EDNRB: variants seen among roughly 807,000 people sequenced by gnomAD.
The protein encoded by EDNRB is Hirschsprung disease 2.
EDNRB carries 18 observed loss-of-function variants against 46.4 expected under a neutral mutation model. The observed-to-expected ratio is 0.39, with a 90% CI of 0.27 to 0.57. The LOEUF is 0.57. Among genes scored for constraint, EDNRB ranks in the 20% least tolerant of loss-of-function variants. The probability of loss-of-function intolerance (pLI) is 0.61; values close to 1 mark genes in which losing one functional copy is unlikely to be tolerated. For missense variants in EDNRB, 434 were observed against 537.5 expected (o/e 0.81, Z 1.90); for synonymous variants, 213 against 204.9 (o/e 1.04, Z -0.34).
chr13:77,936,623 G>T (rs1171324850), intron 1 of EDNRB, among the ~76,000 whole-genome samples: 1 of 152,232 alleles, frequency 6.6e-6, no homozygotes, highest in Non-Finnish European at 1.5e-5. Flanking sequence ...GAAGGAGTCA[G>T]AGAGCCTTGG....
At chr13:77,973,696 C>G (rs2137698521) in intron 1 of EDNRB, among the ~76,000 whole-genome samples, 1 of 152,180 alleles carries the variant, frequency 6.6e-6, no homozygotes, top group South Asian at 2.1e-4. Context: ...TGCACATAAA[C>G]TGTTTCTTTA....
chr13:77,927,639 G>C (rs922543275), intron 1 of EDNRB, among the ~76,000 whole-genome samples: 1 of 152,150 alleles, frequency 6.6e-6, no homozygotes, highest in Non-Finnish European at 1.5e-5. Context: ...TTCGTCCACA[G>C]CAAGAGCTGT....
chr13:77,944,877 A>G (rs1200294724), intron 1 of EDNRB: 1 of 152,204 alleles, frequency 6.6e-6, no homozygotes, highest in Non-Finnish European at 1.5e-5. Flanking sequence ...ATTTCACCTA[A>G]CAAATAGACA....
At chr13:77,968,118 T>C (rs1881631577) in intron 1 of EDNRB, among the ~76,000 whole-genome samples, 1 of 152,116 alleles carries the variant, frequency 6.6e-6, no homozygotes. Context: ...TCAATGAAAA[T>C]CATGAAATAT....
intron 1 of EDNRB, among the ~76,000 whole-genome samples, chr13:77,951,768 G>A (rs1038112481): frequency 6.6e-6 from 1 of 151,976 alleles, no homozygotes; most frequent in Non-Finnish European, 1.5e-5. Context: ...TCAAGTGTCC[G>A]TGCCTTTTAT....
chr13:77,924,179 C>T (rs912086322), upstream of EDNRB, among the ~76,000 whole-genome samples: 12 of 152,234 alleles, frequency 7.9e-5, no homozygotes, highest in African/African-American at 2.7e-4. Context: ...CTGGGGCTTG[C>T]AAAGCCATGC....
Position 77,918,385 on chromosome 13 carries a change from C to G in EDNRB, c.189G>C (p.Ala63=). The change falls in exon 1 of 7, where the codon GCG becomes GCC. Residue 63 remains alanine (A), a synonymous_variant. Transcript: ENST00000646607. The surrounding 1 kb of genome is among the most constrained non-coding windows in gnomAD (Gnocchi z 4.5). ...GCACCTCCGCAGGTGCCAACGACCGCGCCAGACTGGCGTTGGAACCCTTGG... is the reference window on the plus strand; with the variant it reads ...GCACCTCCGCAGGTGCCAACGACCGGGCCAGACTGGCGTTGGAACCCTTGG... ...LWPKGSNASL[A]RSLAPAEVPK... 1 of 1,604,398 alleles carries G rather than the reference C, an allele frequency of 6.2e-7. No individual in the cohort carries two copies. The highest frequency in any genetic ancestry group is 8.5e-7 in the Non-Finnish European group (1 of 1,173,786).
chr13:77,936,371 A>G (rs1258129300), intron 1 of EDNRB, among the ~76,000 whole-genome samples: 3 of 152,204 alleles, frequency 2.0e-5, no homozygotes, highest in African/African-American at 7.2e-5. Flanking sequence ...AGTTGGCACC[A>G]GAGTTGGGGA....
chr13:77,960,561 C>G (rs1278484755), intron 1 of EDNRB, among the ~76,000 whole-genome samples: 3 of 152,106 alleles, frequency 2.0e-5, no homozygotes, highest in Admixed American at 2.0e-4. Flanking sequence ...AAGGAACAGC[C>G]AGCACCAGCC....
intron 1 of EDNRB, among the ~76,000 whole-genome samples, chr13:77,908,936 G>A (rs1566311143): frequency 6.6e-6 from 1 of 151,916 alleles, no homozygotes; most frequent in South Asian, 2.1e-4. Context: ...CACATAACTG[G>A]CACTGGTTTT....
chr13:77,959,974 G>A (rs1217439537), intron 1 of EDNRB, among the ~76,000 whole-genome samples: 1 of 152,144 alleles, frequency 6.6e-6, no homozygotes, highest in Non-Finnish European at 1.5e-5. Flanking sequence ...GAAGTGAGAA[G>A]ATAAGTTTAG....
intron 6 of EDNRB, 162 bp downstream of exon 6, chr13:77,899,697 T>C (rs1220643701): frequency 9.6e-6 from 6 of 623,782 alleles, no homozygotes; most frequent in Non-Finnish European, 1.7e-5. Flanking sequence ...ATTATAGTGA[T>C]TTACAAGCAA....
upstream of EDNRB, among the ~76,000 whole-genome samples, chr13:77,924,543 A>G (rs1880176429): frequency 6.6e-6 from 1 of 152,252 alleles, no homozygotes; most frequent in Admixed American, 6.5e-5. Flanking sequence ...GTGGTAAAAA[A>G]ACACATAATA....
chr13:77,934,451 C>G (rs933332994), intron 1 of EDNRB, among the ~76,000 whole-genome samples: 7 of 152,080 alleles, frequency 4.6e-5, no homozygotes, highest in African/African-American at 1.7e-4. Flanking sequence ...AGCCGGTCTG[C>G]TATTAGACTG....
chr13:77,911,964 C>T (rs1042233928), intron 1 of EDNRB, among the ~76,000 whole-genome samples: 11 of 152,048 alleles, frequency 7.2e-5, no homozygotes, highest in Non-Finnish European at 1.2e-4. Flanking sequence ...TGTCAACACC[C>T]TTTAAAGAAC....
chr13:77,967,243 C>A (rs1315942031), intron 1 of EDNRB, among the ~76,000 whole-genome samples: 1 of 152,116 alleles, frequency 6.6e-6, no homozygotes, highest in Admixed American at 6.5e-5. Flanking sequence ...ACCCTACATC[C>A]CCAACCTTTT....
At chr13:77,932,520 C>A (rs1880435337) in intron 1 of EDNRB, among the ~76,000 whole-genome samples, 1 of 152,136 alleles carries the variant, frequency 6.6e-6, no homozygotes, top group African/African-American at 2.4e-5. Flanking sequence ...CAGTGTTAAA[C>A]ATGGTAATAA....
In EDNRB at chr13:77,898,059, G is replaced by A. The variant is rs200403427; in HGVS notation, c.*141C>T. 8 of 1,467,468 alleles carry A rather than the reference G, an allele frequency of 5.5e-6. No individual in the cohort carries two copies. The African/African-American group carries it at 1.1e-4, about 21-fold the overall frequency. 90.9% of individuals were successfully genotyped at this position (1,467,468 alleles called of 1,614,324 possible). ...TAAAATGTCATATGTAGCTGTGAGT[G>A]TTAAAATAATTACACTTAATATTTT... is the stretch of plus-strand genomic sequence containing the variant. On this transcript the variant is annotated 3_prime_UTR_variant, in exon 7 of 7. Transcript: ENST00000646607.
chr13:77,929,696 T>C (rs1880335258), intron 1 of EDNRB, among the ~76,000 whole-genome samples: 1 of 152,186 alleles, frequency 6.6e-6, no homozygotes, highest in Non-Finnish European at 1.5e-5. Context: ...GAAAGAATCA[T>C]GCCCTTTTGC....
Sources: allele counts gnomAD v4.1 joint callset (sites outside exome capture counted in the v4.1 genomes callset), GRCh38; gene constraint gnomAD v4.1.1; non-coding constraint Gnocchi (gnomAD v3.1); transcripts MANE v1.5; gene names NCBI Gene and HGNC (gene_info 2026-07-23, HGNC 2026-07-21).